TBC1D19: variants seen among roughly 807,000 people sequenced by gnomAD.
TBC1D19 encodes TBC1 domain family member 19.
Under a neutral mutation model 89.0 loss-of-function variants are expected in TBC1D19, and 60 were observed. The ratio of observed to expected loss-of-function variants is 0.67; its 90% CI spans 0.55 to 0.84. The LOEUF (loss-of-function observed/expected upper bound fraction) is 0.84. Among genes scored for constraint, TBC1D19 ranks in the 40% least tolerant of loss-of-function variants. The pLI, the probability that TBC1D19 is intolerant of heterozygous loss-of-function variation, is 0.00. For synonymous variants in TBC1D19, 189 were observed against 199.7 expected (o/e 0.95, Z 0.45); for missense variants, 500 against 610.8 (o/e 0.82, Z 1.91).
At chr4:26,768,060 C>T in the TBC1D19 span, among the ~76,000 whole-genome samples, 1 of 152,132 alleles carries the variant, frequency 6.6e-6, no homozygotes, top group Non-Finnish European at 1.5e-5. Flanking sequence ...AGAGAGGGAA[C>T]TCTAAGGATC....
At chr4:26,656,368 T>G (rs1744805950) in intron 7 of TBC1D19, among the ~76,000 whole-genome samples, 1 of 152,170 alleles carries the variant, frequency 6.6e-6, no homozygotes, top group African/African-American at 2.4e-5. Flanking sequence ...TTAACCATTC[T>G]TTATTTAAAT....
At chr4:26,721,169 T>A (rs981079972) in intron 15 of TBC1D19, among the ~76,000 whole-genome samples, 2 of 152,066 alleles carry the variant, frequency 1.3e-5, no homozygotes, top group Non-Finnish European at 2.9e-5. Flanking sequence ...TTAATTACTC[T>A]AAAATATATC....
At chr4:26,607,632 C>T (rs1741095842) in intron 1 of TBC1D19, among the ~76,000 whole-genome samples, 1 of 152,060 alleles carries the variant, frequency 6.6e-6, no homozygotes, top group African/African-American at 2.4e-5. Flanking sequence ...TTCTGATAAG[C>T]CATATTCACT....
At chr4:26,665,398 G>C (rs950788000) in intron 8 of TBC1D19, among the ~76,000 whole-genome samples, 1 of 151,966 alleles carries the variant, frequency 6.6e-6, no homozygotes, top group Admixed American at 6.6e-5. Flanking sequence ...TTAGCAATTA[G>C]AATAGTTAAC....
chr4:26,665,089 G>GA (rs1028459657), intron 8 of TBC1D19, among the ~76,000 whole-genome samples: 2 of 152,140 alleles, frequency 1.3e-5, no homozygotes, highest in African/African-American at 2.4e-5. Context: ...GATTTCCTTG[G>GA]AAGGGGTGCC....
At chr4:26,692,271 A>G (rs1312930698) in intron 13 of TBC1D19, among the ~76,000 whole-genome samples, 4 of 152,210 alleles carry the variant, frequency 2.6e-5, no homozygotes, top group African/African-American at 9.6e-5. Context: ...TAAATTCTAG[A>G]GAGTACCATC....
chr4:26,811,140 G>C, the TBC1D19 span, among the ~76,000 whole-genome samples: 1 of 152,146 alleles, frequency 6.6e-6, no homozygotes, highest in Non-Finnish European at 1.5e-5. Context: ...ATAAAGAAAA[G>C]GTTACACATA....
chr4:26,654,764 G>T (rs1577883244), intron 7 of TBC1D19, among the ~76,000 whole-genome samples: 1 of 152,122 alleles, frequency 6.6e-6, no homozygotes, highest in Admixed American at 6.6e-5. Context: ...GGTTATTCTA[G>T]TTAGTCATTT....
chr4:26,849,940 A>G, the TBC1D19 span, among the ~76,000 whole-genome samples: 2 of 152,132 alleles, frequency 1.3e-5, no homozygotes, highest in Non-Finnish European at 2.9e-5. Flanking sequence ...TTAGATTACT[A>G]TTGGCGGTTA....
At chr4:26,724,761 G>A (rs1236715899) in intron 15 of TBC1D19, among the ~76,000 whole-genome samples, 1 of 152,132 alleles carries the variant, frequency 6.6e-6, no homozygotes, top group Non-Finnish European at 1.5e-5. Flanking sequence ...AGTCAGAAGT[G>A]GGAGCCTAAG....
the TBC1D19 span, among the ~76,000 whole-genome samples, chr4:26,815,835 T>A: frequency 6.6e-6 from 1 of 152,240 alleles, no homozygotes; most frequent in Admixed American, 6.5e-5. Flanking sequence ...AGAGATGGCA[T>A]GGCTCCTTTG....
At chr4:26,648,984 C>T (rs1229333164) in intron 7 of TBC1D19, among the ~76,000 whole-genome samples, 1 of 151,950 alleles carries the variant, frequency 6.6e-6, no homozygotes, top group Non-Finnish European at 1.5e-5. Context: ...ACAGTTTCTA[C>T]ATTTCTAATA....
chr4:26,603,247 A>G (rs560690069), intron 1 of TBC1D19, among the ~76,000 whole-genome samples: 1 of 152,356 alleles, frequency 6.6e-6, no homozygotes, highest in East Asian at 1.9e-4. Flanking sequence ...TGGTGATATT[A>G]ATGAACATTA....
intron 3 of TBC1D19, among the ~76,000 whole-genome samples, chr4:26,617,701 T>A (rs965517894): frequency 6.6e-6 from 1 of 152,220 alleles, no homozygotes; most frequent in Non-Finnish European, 1.5e-5. Context: ...AAAATGAAAA[T>A]AGATCAATTT....
At chr4:26,783,029 A>G in the TBC1D19 span, among the ~76,000 whole-genome samples, 42 of 152,350 alleles carry the variant, frequency 2.8e-4, 1 homozygote, top group East Asian at 7.3e-3. Flanking sequence ...TACAATCCAC[A>G]GTTGGAGTCC....
rs188179408 is a variant in TBC1D19 at position 26,588,087 on chromosome 4, A to G, written c.99+3795A>G. ...GTCGCCCAGGCTGGAGTGCAGTGGC[A>G]TGATCTCGGCTCACTGCAAGCTCCG... On this transcript the variant is annotated intron_variant, in intron 1 of 20. Coordinates refer to ENST00000264866, the MANE Select transcript of TBC1D19 (RefSeq NM_018317.4). 2.2e-3 allele frequency among the ~76,000 whole-genome samples: 308 copies of G among 142,426 alleles called. 12 individuals are homozygous for G. In the East Asian group the frequency reaches 0.057, roughly 26 times the overall value. 93.4% of individuals were successfully genotyped at this position (142,426 alleles called of 152,430 possible).
intron 1 of TBC1D19, among the ~76,000 whole-genome samples, chr4:26,584,646 A>G (rs1436511088): frequency 6.6e-6 from 1 of 152,112 alleles, no homozygotes; most frequent in African/African-American, 2.4e-5. Flanking sequence ...TGCTGGACTC[A>G]CTGAAGGTAG....
intron 1 of TBC1D19, among the ~76,000 whole-genome samples, chr4:26,602,043 G>A (rs557304389): frequency 3.3e-5 from 5 of 152,290 alleles, no homozygotes; most frequent in African/African-American, 1.2e-4. Flanking sequence ...CAGAGAACAA[G>A]GACAATGTCT....
chr4:26,822,081 A>G, the TBC1D19 span, among the ~76,000 whole-genome samples: 1 of 152,224 alleles, frequency 6.6e-6, no homozygotes, highest in Non-Finnish European at 1.5e-5. Flanking sequence ...AATCACGGAA[A>G]CTTGAAAGCT....
Sources: allele counts gnomAD v4.1 joint callset (sites outside exome capture counted in the v4.1 genomes callset), GRCh38; gene constraint gnomAD v4.1.1; transcripts MANE v1.5; gene names NCBI Gene and HGNC (gene_info 2026-07-23, HGNC 2026-07-21).